CCSER1: variants seen among roughly 807,000 people sequenced by gnomAD.
CCSER1 encodes coiled-coil serine rich protein 1.
CCSER1 carries 41 observed loss-of-function variants against 82.0 expected under a neutral mutation model. The ratio of observed to expected loss-of-function variants is 0.50; its 90% CI spans 0.39 to 0.65. CCSER1 has a LOEUF of 0.65. Ranked by LOEUF, CCSER1 falls within the 30% of genes least tolerant of loss-of-function variation. CCSER1 has a pLI of 0.00. For synonymous variants in CCSER1, 414 were observed against 383.9 expected, an observed-to-expected ratio of 1.08 and a Z score of -0.92; for missense variants, 1,119 against 1,064.2, an observed-to-expected ratio of 1.05 and a Z score of -0.72.
chr4:91,224,047 C>T lies in CCSER1; in HGVS notation c.2217+138053C>T, dbSNP rs191783984. 6.3e-5 allele frequency among the ~76,000 whole-genome samples: 9 copies of T among 143,408 alleles called. No homozygotes were observed. The East Asian group carries it at 1.4e-3, about 22-fold the overall frequency. 94.1% of individuals were successfully genotyped at this position (143,408 alleles called of 152,430 possible). A position where few individuals can be genotyped will look rare whatever the true frequency, so the allele number is the denominator to read the frequency against. On this transcript the variant is annotated intron_variant, in intron 10 of 10. Coordinates refer to ENST00000509176, the MANE Select transcript of CCSER1 (RefSeq NM_001145065.2). ...TTAAATTCAGGCACTTCAGAAGTTG[C>T]TCAAAGTGGCTTTTTTTTTTTTTGG...
chr4:91,249,770 G>T (rs1740109098), intron 10 of CCSER1, among the ~76,000 whole-genome samples: 1 of 151,990 alleles, frequency 6.6e-6, no homozygotes, highest in East Asian at 1.9e-4. Flanking sequence ...TATCTATTAA[G>T]TTTCTCCTGG....
At chr4:90,291,352 G>C (rs540864466) in intron 1 of CCSER1, among the ~76,000 whole-genome samples, 1 of 152,004 alleles carries the variant, frequency 6.6e-6, no homozygotes, top group Non-Finnish European at 1.5e-5. Flanking sequence ...ACAATAGTTG[G>C]TCGCCAAGGC....
chr4:90,173,311 A>G (rs1732062181), intron 1 of CCSER1, among the ~76,000 whole-genome samples: 1 of 150,766 alleles, frequency 6.6e-6, no homozygotes, highest in Admixed American at 6.6e-5. Context: ...GTTATATGAA[A>G]GTATTGATCT....
intron 4 of CCSER1, among the ~76,000 whole-genome samples, chr4:90,465,928 AGAG>A (rs1174639092): frequency 1.3e-5 from 2 of 152,166 alleles, no homozygotes; most frequent in African/African-American, 4.8e-5. Context: ...CCATGTAAAA[AGAG>A]GACTGAATAT....
intron 8 of CCSER1, among the ~76,000 whole-genome samples, chr4:90,853,400 T>G (rs1764103407): frequency 1.3e-5 from 2 of 152,190 alleles, no homozygotes; most frequent in Non-Finnish European, 2.9e-5. Flanking sequence ...TAATTCGTTT[T>G]AGTGATTAAT....
At chr4:91,584,346 T>C (rs1219102509) in intron 10 of CCSER1, among the ~76,000 whole-genome samples, 1 of 151,560 alleles carries the variant, frequency 6.6e-6, no homozygotes, top group Non-Finnish European at 1.5e-5. Flanking sequence ...AGGCATGGTT[T>C]CTCAGACTCA....
chr4:90,905,469 C>G (rs915473132), intron 8 of CCSER1, among the ~76,000 whole-genome samples: 4 of 152,020 alleles, frequency 2.6e-5, no homozygotes, highest in Non-Finnish European at 5.9e-5. Flanking sequence ...GAAACAATCC[C>G]TTGCTTACTG....
At chr4:91,029,452 T>A (rs1220473564) in intron 9 of CCSER1, among the ~76,000 whole-genome samples, 1 of 152,036 alleles carries the variant, frequency 6.6e-6, no homozygotes, top group East Asian at 1.9e-4. Flanking sequence ...GAATGAGATC[T>A]CCATTCAGTG....
chr4:91,022,154 C>T (rs1740041903), intron 9 of CCSER1, among the ~76,000 whole-genome samples: 1 of 124,766 alleles, frequency 8.0e-6, no homozygotes, highest in Non-Finnish European at 1.7e-5. Context: ...CTCCCCCCTC[C>T]CCCCACCCCA....
At chr4:90,459,131 C>T (rs1762552252) in intron 4 of CCSER1, among the ~76,000 whole-genome samples, 1 of 152,002 alleles carries the variant, frequency 6.6e-6, no homozygotes, top group Non-Finnish European at 1.5e-5. Context: ...CAGATATAAA[C>T]ACAGGCAAAT....
intron 9 of CCSER1, among the ~76,000 whole-genome samples, chr4:90,925,127 CAG>C (rs1034634740): frequency 6.6e-6 from 1 of 152,090 alleles, no homozygotes; most frequent in Non-Finnish European, 1.5e-5. Context: ...ATCTGCAAGA[CAG>C]AGAGTTTGTT....
intron 10 of CCSER1, among the ~76,000 whole-genome samples, chr4:91,426,364 T>G (rs996037423): frequency 6.6e-5 from 10 of 152,176 alleles, no homozygotes; most frequent in Non-Finnish European, 1.5e-4. Flanking sequence ...ACATATGTCT[T>G]TATAGTAGAT....
intron 3 of CCSER1, among the ~76,000 whole-genome samples, chr4:90,355,766 T>A (rs1042120461): frequency 1.3e-5 from 2 of 152,036 alleles, no homozygotes; most frequent in Admixed American, 6.5e-5. Flanking sequence ...TTTGTTCAGA[T>A]GCTGATTTAA....
intron 9 of CCSER1, among the ~76,000 whole-genome samples, chr4:90,955,232 C>A (rs1183542345): frequency 6.6e-6 from 1 of 152,150 alleles, no homozygotes; most frequent in African/African-American, 2.4e-5. Flanking sequence ...ACTCAGTAAA[C>A]ACCCTATGAA....
chr4:90,979,053 A>G (rs1253844167), intron 9 of CCSER1, among the ~76,000 whole-genome samples: 1 of 151,716 alleles, frequency 6.6e-6, no homozygotes, highest in Non-Finnish European at 1.5e-5. Context: ...CCTAAAACAA[A>G]ACAGCAATTC....
chr4:90,781,817 A>G, intron 7 of CCSER1: 6 of 953,412 alleles, frequency 6.3e-6, no homozygotes, highest in Non-Finnish European at 7.5e-6. Context: ...GTTTGCCTTG[A>G]GCAAGTCACT....
chr4:91,267,702 TAAAAG>T (rs1935894283), intron 10 of CCSER1, among the ~76,000 whole-genome samples: 1 of 152,082 alleles, frequency 6.6e-6, no homozygotes, highest in Non-Finnish European at 1.5e-5. Flanking sequence ...AGGGATATAA[TAAAAG>T]AAAAGGGCTT....
chr4:91,051,864 G>A (rs1011820118), intron 9 of CCSER1, among the ~76,000 whole-genome samples: 1 of 151,988 alleles, frequency 6.6e-6, no homozygotes, highest in African/African-American at 2.4e-5. Context: ...TTTTACAAAT[G>A]TAAGACAGGC....
At chr4:90,551,629 A>G (rs1020907951) in intron 5 of CCSER1, among the ~76,000 whole-genome samples, 1 of 149,606 alleles carries the variant, frequency 6.7e-6, no homozygotes, top group Non-Finnish European at 1.5e-5. Flanking sequence ...TTGTGCTTCT[A>G]TTTTCATTTC....
Sources: gnomAD v4.1 joint callset for allele counts (sites outside exome capture counted in the v4.1 genomes callset) on GRCh38, gnomAD v4.1.1 for gene constraint, MANE v1.5 for transcripts, NCBI Gene and HGNC (gene_info 2026-07-23, HGNC 2026-07-21) for gene names.